ZDHHC24: variants seen among roughly 807,000 people sequenced by gnomAD.
ZDHHC24 encodes the protein zDHHC palmitoyltransferase 24, also known as probable palmitoyltransferase ZDHHC24.
ZDHHC24 carries 17 observed loss-of-function variants against 23.2 expected under a neutral mutation model. The ratio of observed to expected loss-of-function variants is 0.73; its 90% confidence interval spans 0.50 to 1.10. The LOEUF is 1.10. Ranked by LOEUF, ZDHHC24 falls within the 50% of genes least tolerant of loss-of-function variation. The pLI is 0.00. For missense variants in ZDHHC24, 366 were observed against 393.0 expected, an observed-to-expected ratio of 0.93 and a Z score of 0.58; for synonymous variants, 186 against 194.5, an observed-to-expected ratio of 0.96 and a Z score of 0.36.
downstream of ZDHHC24, chr11:66,532,162 C>A: frequency 9.8e-7 from 1 of 1,025,062 alleles, no homozygotes; most frequent in Non-Finnish European, 1.4e-6. Flanking sequence ...CTCTCTTAAG[C>A]ACCCGCTTCC....
At chr11:66,525,992 A>G in intron 4 of ZDHHC24, 2 of 760,600 alleles carry the variant, frequency 2.6e-6, no homozygotes, top group Non-Finnish European at 4.7e-6. Flanking sequence ...GAAATATTTC[A>G]GAGGCAGCGA....
chr11:66,533,396 T>A (rs1182606433), downstream of ZDHHC24: 1 of 152,260 alleles, frequency 6.6e-6, no homozygotes, highest in Non-Finnish European at 1.5e-5. Context: ...TGTGCTTATA[T>A]GACTCTTGCT....
intron 4 of ZDHHC24, among the ~76,000 whole-genome samples, chr11:66,525,171 G>A (rs1856431449): frequency 6.7e-6 from 1 of 149,508 alleles, no homozygotes; most frequent in Non-Finnish European, 1.5e-5. Flanking sequence ...CTGCACTCCA[G>A]CCTGGGTGAC....
Position 66,529,927 on chromosome 11 carries a change from G to A in ZDHHC24, c.560-439C>T, listed in dbSNP as rs779828966. 42 of 1,604,786 alleles carry A rather than the reference G, an allele frequency of 2.6e-5. No homozygotes were observed. The East Asian group carries it at 5.8e-4, about 22-fold the overall frequency. On this transcript the variant is annotated intron_variant, in intron 2 of 4. Coordinates refer to the ZDHHC24 transcript ENST00000526986. ...CTGAGCCCCCTGTCCACGACAGCCC[G>A]AGAGCCACTCAAGCTGCACGCCGTG... is the stretch of plus-strand genomic sequence containing the variant.
intron 2 of ZDHHC24, 37 bp downstream of exon 2, chr11:66,543,666 GC>G: frequency 6.6e-7 from 1 of 1,526,056 alleles, no homozygotes; most frequent in Non-Finnish European, 8.8e-7. Flanking sequence ...CAATACCAGG[GC>G]CCCTGCCTCT....
downstream of ZDHHC24, chr11:66,532,224 C>T (rs148117167): frequency 1.9e-3 from 1,178 of 629,742 alleles, 11 homozygotes; most frequent in African/African-American, 0.02. Flanking sequence ...GTACCTAGGG[C>T]GGCTCAACTC....
intron 4 of ZDHHC24, among the ~76,000 whole-genome samples, chr11:66,522,308 G>T (rs1240545408): frequency 3.3e-5 from 5 of 151,134 alleles, no homozygotes; most frequent in African/African-American, 1.2e-4. Context: ...ACTTGTTTAT[G>T]CATTAGTTTA....
chr11:66,524,237 A>G (rs578005349), intron 4 of ZDHHC24: 70 of 361,048 alleles, frequency 1.9e-4, no homozygotes, highest in African/African-American at 1.1e-3. Context: ...CCAAGATCAA[A>G]CCATGGCACT....
rs753917960 is a variant in ZDHHC24, at chr11:66,529,909, C to T, written c.560-421G>A. ...CAGGCCCTCGAGTCCAGCCTGAGCC[C>T]CCTGTCCACGACAGCCCGAGAGCCA... On this transcript the variant is annotated intron_variant, in intron 2 of 4. Transcript: ENST00000526986. 7.5e-6 allele frequency: 12 copies of T among 1,606,844 alleles called. No homozygotes were observed. The Admixed American group carries it at 1.8e-4, about 25-fold the overall frequency.
At chr11:66,529,727 C>T in intron 2 of ZDHHC24, 6 of 1,516,272 alleles carry the variant, frequency 4.0e-6, no homozygotes, top group Non-Finnish European at 5.4e-6. Context: ...CTTGCACCCT[C>T]CCCACACCAA....
chr11:66,540,276 A>G (rs1205883245), intron 2 of ZDHHC24, among the ~76,000 whole-genome samples: 1 of 151,974 alleles, frequency 6.6e-6, no homozygotes, highest in Admixed American at 6.6e-5. Flanking sequence ...AAAATTAGCC[A>G]GACGTGGTGG....
At chr11:66,521,168 A>G in exon 5 of ZDHHC24, 1 of 870,618 alleles carries the variant, frequency 1.1e-6, no homozygotes, top group Non-Finnish European at 1.9e-6. Flanking sequence ...AAGTGAGGAG[A>G]TTGGGACTTT....
intron 3 of ZDHHC24, among the ~76,000 whole-genome samples, chr11:66,528,798 G>A (rs968533480): frequency 4.6e-5 from 7 of 151,878 alleles, no homozygotes; most frequent in South Asian, 2.1e-4. Flanking sequence ...GTGAAACCCC[G>A]TCTCTACTAA....
rs1406604300 is a variant in ZDHHC24 at position 66,538,433 on chromosome 11, G to A, written c.*1096C>T. On this transcript the variant is annotated 3_prime_UTR_variant, in exon 3 of 3. Coordinates refer to ENST00000310442, the MANE Select transcript of ZDHHC24 (RefSeq NM_207340.3). ...AAAAAAAAAATCAGCCGGGCATAGT[G>A]GCGGGTGTCTGTAATCCCAGCAACT... The A allele has an allele frequency of 1.3e-5, 2 of 151,844 alleles. No homozygotes were observed. Among genetic ancestry groups the A allele is most frequent in the African/African-American group, 4.8e-5 (2 of 41,384 alleles). 9.4% of individuals were successfully genotyped at this position (151,844 alleles called of 1,614,324 possible).
At chr11:66,529,781 C>T in intron 2 of ZDHHC24, 2 of 1,607,706 alleles carry the variant, frequency 1.2e-6, no homozygotes, top group Non-Finnish European at 1.7e-6. Flanking sequence ...CTGCCACCCC[C>T]CACCTCCACC....
At position 66,539,757 on chromosome 11, in the gene ZDHHC24, C is replaced by G. The variant is rs760691791; in HGVS notation, c.627G>C (p.Leu209=). ...CATGGAAGAGCAGCCCAGCCCCGCA[C>G]AGCAGCGCACCCGCCACGCACGTGT... ...VTDTCVAGAL[L]CGAGLLFHGM... The change falls in exon 3 of 3, where the codon CTG becomes CTC. Residue 209 remains leucine (L), a synonymous_variant. Transcript: ENST00000310442. The G allele has an allele frequency of 1.9e-6, 3 of 1,612,944 alleles. No homozygotes were observed. Among genetic ancestry groups the G allele is most frequent in the East Asian group, 2.2e-5 (1 of 44,842 alleles).
At chr11:66,530,836 T>C (rs759118351), downstream of ZDHHC24, 21 of 1,611,990 alleles carry the variant, frequency 1.3e-5, no homozygotes, top group Non-Finnish European at 1.7e-5. Context: ...GAGCACACTG[T>C]ACTCCGTGCC....
downstream of ZDHHC24, among the ~76,000 whole-genome samples, chr11:66,535,531 T>C (rs559307651): frequency 6.6e-6 from 1 of 152,270 alleles, no homozygotes; most frequent in South Asian, 2.1e-4. Context: ...GGTCTCACTA[T>C]GTTGCCCAGG....
rs765829383 is a variant in ZDHHC24, at chr11:66,526,802, G to C, written c.*21+134C>G. The C allele has an allele frequency of 1.2e-6, 2 of 1,614,224 alleles. No homozygotes were observed. Among genetic ancestry groups the C allele is most frequent in the Non-Finnish European group, 1.7e-6 (2 of 1,180,038 alleles). On this transcript the variant is annotated intron_variant, in intron 4 of 4. Transcript: ENST00000526986. ...CAGACACTGCGAGAGCGGGAGGCTGGCACCGGTGAGCCTCAGACTGGGTCC... is the reference window on the plus strand; with the variant it reads ...CAGACACTGCGAGAGCGGGAGGCTGCCACCGGTGAGCCTCAGACTGGGTCC...
Sources: gnomAD v4.1 joint callset for allele counts (sites outside exome capture counted in the v4.1 genomes callset) on GRCh38, gnomAD v4.1.1 for gene constraint, MANE v1.5 for transcripts, NCBI Gene and HGNC (gene_info 2026-07-23, HGNC 2026-07-21) for gene names.